The following TCF4 variants were observed in gnomAD, a reference collection of about 807,000 sequenced individuals.
TCF4 encodes transcription factor 4.
Under a neutral mutation model 82.1 loss-of-function variants are expected in TCF4, and 3 were observed. The ratio of observed to expected loss-of-function variants is 0.04; its 90% CI spans 0.02 to 0.09. TCF4 has a LOEUF of 0.09. Ranked by LOEUF, TCF4 falls within the 10% of genes least tolerant of loss-of-function variation. The pLI, the probability that TCF4 is intolerant of heterozygous loss-of-function variation, is 1.00. For synonymous variants in TCF4, 276 were observed against 309.6 expected, an observed-to-expected ratio of 0.89 and a Z score of 1.14; for missense variants, 518 against 852.7, an observed-to-expected ratio of 0.61 and a Z score of 4.89.
intron 3 of TCF4, 73 bp downstream of exon 3, chr18:55,585,207 G>T: frequency 7.0e-7 from 1 of 1,426,624 alleles, no homozygotes; most frequent in Non-Finnish European, 9.9e-7. Flanking sequence ...CTTCAACAGA[G>T]CCAAAAACAT....
In TCF4 at chr18:55,350,426, T is replaced by C. The variant is rs751585776; in HGVS notation, c.500-18A>G. 5 of 1,613,378 alleles carry C rather than the reference T, an allele frequency of 3.1e-6. No individual in the cohort carries two copies. Among genetic ancestry groups the C allele is most frequent in the Middle Eastern group, 1.7e-4 (1 of 6,052 alleles). On this transcript the variant is annotated intron_variant, in intron 7 of 19. Coordinates refer to ENST00000354452, the MANE Select transcript of TCF4 (RefSeq NM_001083962.2). ...CTGTACCTCTGAAAGAAAATGAAGATGCTTTCAGCTCCCAAATGCCCATTT... is the reference window on the plus strand; with the variant it reads ...CTGTACCTCTGAAAGAAAATGAAGACGCTTTCAGCTCCCAAATGCCCATTT...
intron 6 of TCF4, chr18:55,401,702 T>C (rs2093830053): frequency 1.0e-6 from 1 of 986,162 alleles, no homozygotes; most frequent in Non-Finnish European, 1.2e-6. Flanking sequence ...GTCTGGATGA[T>C]GCTTTCACAA....
chr18:55,620,800 C>CT (rs35186442), intron 2 of TCF4, among the ~76,000 whole-genome samples: 76,173 of 143,650 alleles, frequency 0.53, 20,941 homozygotes, highest in African/African-American at 0.71. Context: ...TTGTCCAGTT[C>CT]TTTTTTTTTT....
chr18:55,272,997 C>G (rs372081885), intron 10 of TCF4, among the ~76,000 whole-genome samples: 1 of 152,270 alleles, frequency 6.6e-6, no homozygotes, highest in East Asian at 1.9e-4. Context: ...AGTGAGGACT[C>G]TATCCTGTTC....
intron 2 of TCF4, among the ~76,000 whole-genome samples, chr18:55,619,565 A>G (rs1206045054): frequency 6.6e-6 from 1 of 152,190 alleles, no homozygotes; most frequent in African/African-American, 2.4e-5. Flanking sequence ...TGGTTCTTTG[A>G]AAATATATAC....
At chr18:55,596,800 C>T (rs1374826860) in intron 2 of TCF4, among the ~76,000 whole-genome samples, 4 of 151,894 alleles carry the variant, frequency 2.6e-5, no homozygotes, top group African/African-American at 9.7e-5. Flanking sequence ...GTATAATATA[C>T]AGTATAGTAC....
At chr18:55,269,804 A>G in intron 11 of TCF4, 27 bp downstream of exon 11, 2 of 1,612,524 alleles carry the variant, frequency 1.2e-6, no homozygotes, top group Non-Finnish European at 1.7e-6. Flanking sequence ...AATTGTTGGT[A>G]TCAGAATTGG....
At chr18:55,277,347 T>C (rs1157947365) in intron 9 of TCF4, among the ~76,000 whole-genome samples, 1 of 152,192 alleles carries the variant, frequency 6.6e-6, no homozygotes, top group Non-Finnish European at 1.5e-5. Flanking sequence ...ATATGACAAA[T>C]AAATTGAAAA....
intron 3 of TCF4, among the ~76,000 whole-genome samples, chr18:55,574,128 A>G (rs2097504313): frequency 6.6e-6 from 1 of 152,142 alleles, no homozygotes; most frequent in African/African-American, 2.4e-5. Context: ...ATTTCAGAGT[A>G]CATTCCTAAC....
intron 3 of TCF4, among the ~76,000 whole-genome samples, chr18:55,512,664 G>T (rs956790038): frequency 6.6e-6 from 1 of 151,886 alleles, no homozygotes; most frequent in South Asian, 2.1e-4. Context: ...AAATCGAGTG[G>T]GAGTGGTATA....
At chr18:55,631,255 G>A (rs529761888) in intron 2 of TCF4, 30 of 869,884 alleles carry the variant, frequency 3.4e-5, no homozygotes, top group Non-Finnish European at 5.2e-5. Context: ...TCATCATGTT[G>A]GCCAGGCTGT....
At chr18:55,632,024 G>T (rs549603692) in intron 1 of TCF4, among the ~76,000 whole-genome samples, 1 of 152,074 alleles carries the variant, frequency 6.6e-6, no homozygotes, top group East Asian at 1.9e-4. Flanking sequence ...AGTTCTTTTT[G>T]TTGTTGTTGT....
At chr18:55,549,415 G>T (rs2097238457) in intron 3 of TCF4, among the ~76,000 whole-genome samples, 1 of 151,300 alleles carries the variant, frequency 6.6e-6, no homozygotes, top group Non-Finnish European at 1.5e-5. Context: ...TGACTCTTTT[G>T]TAATAACACT....
chr18:55,549,672 C>G (rs1260871322), intron 3 of TCF4, among the ~76,000 whole-genome samples: 2 of 152,132 alleles, frequency 1.3e-5, no homozygotes, highest in Non-Finnish European at 2.9e-5. Context: ...CCTATGATAA[C>G]AAAGCCTTCT....
At chr18:55,597,820 C>G (rs546355875) in intron 2 of TCF4, among the ~76,000 whole-genome samples, 4 of 152,128 alleles carry the variant, frequency 2.6e-5, no homozygotes, top group Non-Finnish European at 5.9e-5. Context: ...CCAAAAGCTG[C>G]CCTCCAACCC....
intron 15 of TCF4, among the ~76,000 whole-genome samples, chr18:55,239,021 T>C (rs1057404074): frequency 1.3e-5 from 2 of 152,198 alleles, no homozygotes; most frequent in African/African-American, 2.4e-5. Context: ...CGTCCACATA[T>C]TGACTGGTAC....
intron 15 of TCF4, among the ~76,000 whole-genome samples, chr18:55,250,005 T>C (rs923642202): frequency 1.3e-5 from 2 of 152,186 alleles, no homozygotes; most frequent in Admixed American, 6.5e-5. Context: ...TCATTTAATA[T>C]CAGGATTAAT....
At chr18:55,620,501 G>T (rs961611002) in intron 2 of TCF4, among the ~76,000 whole-genome samples, 1 of 152,100 alleles carries the variant, frequency 6.6e-6, no homozygotes, top group Non-Finnish European at 1.5e-5. Flanking sequence ...TGGACCATAG[G>T]TTGTTTCATT....
chr18:55,585,595 T>C, intron 2 of TCF4: 1 of 599,412 alleles, frequency 1.7e-6, no homozygotes, highest in Non-Finnish European at 2.7e-6. Context: ...GCAGTACTAC[T>C]GCTACATTTG....
Sources: gnomAD v4.1 joint callset for allele counts (sites outside exome capture counted in the v4.1 genomes callset) on GRCh38, gnomAD v4.1.1 for gene constraint, MANE v1.5 for transcripts, NCBI Gene and HGNC (gene_info 2026-07-23, HGNC 2026-07-21) for gene names.